The following SLC25A33 variants were observed in gnomAD, a reference collection of about 807,000 sequenced individuals.
SLC25A33 encodes solute carrier family 25 member 33, also known as bone marrow stromal cell mitochondrial carrier protein.
A neutral mutation model predicts 35.5 loss-of-function variants in SLC25A33; 15 were observed. That is an observed-to-expected ratio of 0.42 (90% CI 0.28 to 0.65). The LOEUF is 0.65. SLC25A33 is among the 30% of genes least tolerant of loss of function. SLC25A33 has a pLI of 0.20. For missense variants in SLC25A33, 257 were observed against 398.5 expected (o/e 0.64, Z 3.02); for synonymous variants, 136 against 148.7 (o/e 0.91, Z 0.62).
chr1:9,559,471 C>T (rs1032455908), intron 2 of SLC25A33, among the ~76,000 whole-genome samples: 1 of 151,862 alleles, frequency 6.6e-6, no homozygotes, highest in African/African-American at 2.4e-5. Flanking sequence ...ATAATAGCTA[C>T]TCTCTGCTTT....
At chr1:9,546,661 A>G (rs1643174969) in intron 1 of SLC25A33, among the ~76,000 whole-genome samples, 1 of 152,188 alleles carries the variant, frequency 6.6e-6, no homozygotes. Context: ...GCTTTCTTGA[A>G]AAGTTTAGGT....
At chr1:9,551,892 G>A (rs1422358606) in intron 1 of SLC25A33, among the ~76,000 whole-genome samples, 1 of 152,152 alleles carries the variant, frequency 6.6e-6, no homozygotes, top group East Asian at 1.9e-4. Context: ...AGTGAGGCCT[G>A]TGTCATTGGT....
intron 1 of SLC25A33, among the ~76,000 whole-genome samples, chr1:9,540,433 G>A (rs1215731862): frequency 2.6e-5 from 4 of 152,084 alleles, no homozygotes; most frequent in Non-Finnish European, 5.9e-5. Flanking sequence ...TAGGTCTATG[G>A]TCAGGCACCT....
At chr1:9,550,167 ATTTGTT>A (rs1426573205) in intron 1 of SLC25A33, among the ~76,000 whole-genome samples, 2 of 149,128 alleles carry the variant, frequency 1.3e-5, no homozygotes, top group African/African-American at 2.5e-5. Flanking sequence ...TGCCTGACTA[ATTTGTT>A]TTTGTTTTTG....
chr1:9,554,509 G>A (rs1024197521), intron 2 of SLC25A33, among the ~76,000 whole-genome samples: 15 of 152,038 alleles, frequency 9.9e-5, no homozygotes, highest in East Asian at 1.9e-4. Flanking sequence ...ACAGACATGC[G>A]CCACCATGCC....
At chr1:9,545,185 G>A (rs1276314859) in intron 1 of SLC25A33, among the ~76,000 whole-genome samples, 1 of 151,854 alleles carries the variant, frequency 6.6e-6, no homozygotes, top group Non-Finnish European at 1.5e-5. Flanking sequence ...ATGGGGAGGG[G>A]AGTTTTTTTG....
chr1:9,549,932 A>G (rs1444437440), intron 1 of SLC25A33, among the ~76,000 whole-genome samples: 1 of 141,334 alleles, frequency 7.1e-6, no homozygotes, highest in Non-Finnish European at 1.5e-5. Context: ...ATATATATAT[A>G]TATATTTCTA....
At chr1:9,544,853 CTGT>C (rs1557522966) in intron 1 of SLC25A33, among the ~76,000 whole-genome samples, 2 of 152,138 alleles carry the variant, frequency 1.3e-5, no homozygotes, top group South Asian at 2.1e-4. Context: ...GGAGCAGAGG[CTGT>C]TGTTGAAGAC....
At chr1:9,553,921 A>T (rs1643304856) in intron 2 of SLC25A33, 116 bp downstream of exon 2, 1 of 1,174,826 alleles carries the variant, frequency 8.5e-7, no homozygotes. Flanking sequence ...CTTGGTCCTA[A>T]CTTAAGAATT....
intron 1 of SLC25A33, among the ~76,000 whole-genome samples, chr1:9,551,451 C>T (rs188934920): frequency 2.0e-5 from 3 of 152,172 alleles, no homozygotes; most frequent in Admixed American, 6.5e-5. Context: ...TCAGAGTGTG[C>T]GTTAGGTACT....
intron 3 of SLC25A33, among the ~76,000 whole-genome samples, 157 bp from the exon 4 acceptor site, chr1:9,570,101 G>T (rs2100402738): frequency 6.6e-6 from 1 of 152,282 alleles, no homozygotes; most frequent in African/African-American, 2.4e-5. Flanking sequence ...GAACGTGCCT[G>T]TGGCAGGTTT....
chr1:9,548,644 T>C (rs1643215199), intron 1 of SLC25A33, among the ~76,000 whole-genome samples: 1 of 152,220 alleles, frequency 6.6e-6, no homozygotes, highest in Non-Finnish European at 1.5e-5. Flanking sequence ...TAGAATGTTA[T>C]TTCTTTCTGT....
chr1:9,542,397 C>T (rs78601306), intron 1 of SLC25A33, among the ~76,000 whole-genome samples: 3,570 of 152,210 alleles, frequency 0.023, 144 homozygotes, highest in African/African-American at 0.082. Context: ...GTCTTGGCAG[C>T]AATTGGAGAC....
At chr1:9,564,478 A>G (rs1243868310) in intron 2 of SLC25A33, among the ~76,000 whole-genome samples, 1 of 152,116 alleles carries the variant, frequency 6.6e-6, no homozygotes, top group African/African-American at 2.4e-5. Context: ...CCATGTTTAT[A>G]GCAGCACTAC....
chr1:9,582,225 G>A lies in SLC25A33; in HGVS notation c.764-74G>A, dbSNP rs1643755646. 7.8e-6 allele frequency: 12 copies of A among 1,543,758 alleles called. No homozygotes were observed. In the Admixed American group the frequency reaches 1.9e-4, roughly 24 times the overall value. On this transcript the variant is annotated intron_variant, in intron 6 of 6. Coordinates refer to ENST00000302692, the MANE Select transcript of SLC25A33 (RefSeq NM_032315.3). This position sits in a 1 kb window ranked among gnomAD's most constrained non-coding sequence, Gnocchi z 4.0. ...CACCGCACCCGGCCTAACCTTGACA[G>A]TTTTAAAGTTGTGTGCTGTGGATTC... is the stretch of plus-strand genomic sequence containing the variant.
intron 2 of SLC25A33, among the ~76,000 whole-genome samples, chr1:9,562,410 G>A (rs1246467533): frequency 6.6e-6 from 1 of 151,820 alleles, no homozygotes; most frequent in Non-Finnish European, 1.5e-5. Context: ...CATCTACTCA[G>A]GAGGCTGAGG....
At chr1:9,544,086 CAGAG>C (rs763903459) in intron 1 of SLC25A33, among the ~76,000 whole-genome samples, 19 of 151,442 alleles carry the variant, frequency 1.3e-4, no homozygotes, top group African/African-American at 3.9e-4. Context: ...GCCTGGGAGA[CAGAG>C]AGAGAGAGAC....
intron 1 of SLC25A33, among the ~76,000 whole-genome samples, chr1:9,542,317 C>G (rs1158884729): frequency 2.0e-5 from 3 of 152,058 alleles, no homozygotes; most frequent in Non-Finnish European, 4.4e-5. Context: ...AGCTCTCCTG[C>G]TTGATTAAGA....
At chr1:9,570,970 C>T (rs1643582069) in intron 4 of SLC25A33, among the ~76,000 whole-genome samples, 2 of 152,122 alleles carry the variant, frequency 1.3e-5, no homozygotes, top group Non-Finnish European at 2.9e-5. Context: ...TCCTCGGCCT[C>T]CCAGAGTGCT....
Sources: allele counts gnomAD v4.1 joint callset (sites outside exome capture counted in the v4.1 genomes callset), GRCh38; gene constraint gnomAD v4.1.1; non-coding constraint Gnocchi (gnomAD v3.1); transcripts MANE v1.5; gene names NCBI Gene and HGNC (gene_info 2026-07-23, HGNC 2026-07-21).